IGSF10: variants seen among roughly 807,000 people sequenced by gnomAD.
IGSF10 encodes the protein calvaria mechanical force protein 608.
IGSF10 carries 126 observed loss-of-function variants against 128.2 expected under a neutral mutation model. That is an observed-to-expected ratio of 0.98 (90% CI 0.85 to 1.14). The LOEUF (loss-of-function observed/expected upper bound fraction) is 1.14, where lower values mean the gene tolerates loss of function less well. IGSF10 is among the 50% of genes most tolerant of loss of function. The pLI is 0.00. For missense variants in IGSF10, 3,295 were observed against 3,149.8 expected, an observed-to-expected ratio of 1.05 and a Z score of -1.10; for synonymous variants, 1,185 against 1,146.2, an observed-to-expected ratio of 1.03 and a Z score of -0.68.
the IGSF10 span, among the ~76,000 whole-genome samples, chr3:151,487,864 G>A: frequency 6.6e-6 from 1 of 152,164 alleles, no homozygotes; most frequent in Non-Finnish European, 1.5e-5. Context: ...CAAGCCAACA[G>A]CCAATATCAT....
intron 2 of IGSF10, among the ~76,000 whole-genome samples, chr3:151,460,001 C>T (rs1721977504): frequency 6.6e-6 from 1 of 152,136 alleles, no homozygotes; most frequent in African/African-American, 2.4e-5. Flanking sequence ...ACCACTTTTG[C>T]CATCGTAACC....
At chr3:151,511,907 A>G in the IGSF10 span, among the ~76,000 whole-genome samples, 12 of 152,250 alleles carry the variant, frequency 7.9e-5, no homozygotes, top group African/African-American at 9.6e-5. Flanking sequence ...TCAACAAGAA[A>G]AACTAACTGT....
rs775694027 is a variant in IGSF10 at position 151,443,801 on chromosome 3, G to T, written c.5146C>A (p.Gln1716Lys). The change falls in exon 7 of 8, where the codon CAG becomes AAG. Residue 1716 changes from glutamine to lysine, a missense_variant. Gln to Lys is a moderately conservative substitution (Grantham distance 53, BLOSUM62 1). Coordinates refer to ENST00000282466, the MANE Select transcript of IGSF10 (RefSeq NM_178822.5). Reference protein sequence around the residue: ...GTLSIQRVEIQDRGQYLCSAS... With the variant: ...GTLSIQRVEIKDRGQYLCSAS... ...GAACACAAGTACTGTCCGCGGTCCTGAATTTCCACCCTCTGGATGGACAGG... is the reference window on the plus strand; with the variant it reads ...GAACACAAGTACTGTCCGCGGTCCTTAATTTCCACCCTCTGGATGGACAGG... 3 of 1,614,132 alleles carry T rather than the reference G, an allele frequency of 1.9e-6. No homozygotes were observed. Among genetic ancestry groups the T allele is most frequent in the Admixed American group, 3.3e-5 (2 of 60,030 alleles).
chr3:151,514,767 A>T, the IGSF10 span, among the ~76,000 whole-genome samples: 559 of 152,308 alleles, frequency 3.7e-3, 2 homozygotes, highest in African/African-American at 0.013. Context: ...AAACAAATTT[A>T]CAAGAAAAAA....
the IGSF10 span, among the ~76,000 whole-genome samples, chr3:151,528,539 G>A: frequency 4.6e-5 from 7 of 152,318 alleles, no homozygotes; most frequent in East Asian, 3.9e-4. Flanking sequence ...GACAGTGGGT[G>A]CAGCCCATGG....
chr3:151,468,804 C>A, the IGSF10 span, among the ~76,000 whole-genome samples: 23 of 152,300 alleles, frequency 1.5e-4, no homozygotes, highest in African/African-American at 4.8e-4. Flanking sequence ...AAATGTGTGT[C>A]ATGGTGGTTT....
the IGSF10 span, among the ~76,000 whole-genome samples, chr3:151,467,540 G>A: frequency 1.3e-5 from 2 of 152,114 alleles, no homozygotes; most frequent in Admixed American, 1.3e-4. Context: ...CCTGAGGAGG[G>A]TATTAAAGAC....
chr3:151,549,944 A>G, the IGSF10 span, among the ~76,000 whole-genome samples: 1 of 152,184 alleles, frequency 6.6e-6, no homozygotes, highest in African/African-American at 2.4e-5. Context: ...GCCTCTGAAA[A>G]AAGAGACTAT....
Position 151,438,039 on chromosome 3 carries a change from A to G in IGSF10, c.6522T>C (p.Phe2174=). ...TCATGTCATTGGAAGGCAGCAACCA[A>G]AATATTTTTGGTTTGGGATCCCCAG... is the stretch of plus-strand genomic sequence containing the variant. ...EVTGDPKPKI[F]WLLPSNDMIS... Residue 2174 remains phenylalanine (F), a synonymous_variant, in exon 8 of 8, where the codon TTT becomes TTC. Transcript: ENST00000282466. 2 of 1,614,158 alleles carry G rather than the reference A, an allele frequency of 1.2e-6. No individual in the cohort carries two copies. The highest frequency in any genetic ancestry group is 1.3e-5 in the African/African-American group (1 of 75,032).
At chr3:151,517,846 C>CT in the IGSF10 span, among the ~76,000 whole-genome samples, 1 of 151,846 alleles carries the variant, frequency 6.6e-6, no homozygotes, top group Non-Finnish European at 1.5e-5. Context: ...CTGGGTTTTG[C>CT]TTTTTTCTCT....
chr3:151,465,432 T>G (rs1722246671), upstream of IGSF10, among the ~76,000 whole-genome samples: 1 of 152,248 alleles, frequency 6.6e-6, no homozygotes, highest in Non-Finnish European at 1.5e-5. Context: ...CTGTGTTGCT[T>G]TTATGATAAG....
chr3:151,474,656 A>G, the IGSF10 span, among the ~76,000 whole-genome samples: 1 of 152,200 alleles, frequency 6.6e-6, no homozygotes, highest in Admixed American at 6.5e-5. Flanking sequence ...GGTTCAGTTC[A>G]TATTAGTCCA....
the IGSF10 span, among the ~76,000 whole-genome samples, chr3:151,540,335 A>G: frequency 2.0e-5 from 3 of 152,216 alleles, no homozygotes; most frequent in Admixed American, 1.3e-4. Context: ...CTGAATTTCT[A>G]AGATAATACA....
the IGSF10 span, among the ~76,000 whole-genome samples, chr3:151,563,524 G>A: frequency 1.4e-4 from 22 of 152,038 alleles, no homozygotes; most frequent in African/African-American, 5.3e-4. Flanking sequence ...GACCTCAGAA[G>A]CCATCAAGCC....
At chr3:151,475,737 CTTTT>C in the IGSF10 span, 8 of 151,772 alleles carry the variant, frequency 5.3e-5, no homozygotes, top group Admixed American at 5.3e-4. Context: ...ATTCATAAAT[CTTTT>C]TTTTTCTTGC....
At chr3:151,476,929 G>A in the IGSF10 span, among the ~76,000 whole-genome samples, 1 of 152,168 alleles carries the variant, frequency 6.6e-6, no homozygotes, top group Non-Finnish European at 1.5e-5. Context: ...GGTGTTTTCT[G>A]ATGTCAGCCA....
At chr3:151,433,224 A>G (rs1204200747), downstream of IGSF10, 1 of 154,706 alleles carries the variant, frequency 6.5e-6, no homozygotes, top group East Asian at 1.9e-4. Flanking sequence ...GGACCAAACT[A>G]CTGATTTGAA....
intron 5 of IGSF10, among the ~76,000 whole-genome samples, chr3:151,450,252 T>C (rs1383137655): frequency 6.6e-6 from 1 of 152,232 alleles, no homozygotes; most frequent in African/African-American, 2.4e-5. Context: ...GTAAGAGGTA[T>C]AGACTTTTCC....
chr3:151,603,443 G>T, the IGSF10 span, among the ~76,000 whole-genome samples: 1 of 152,308 alleles, frequency 6.6e-6, no homozygotes, highest in Non-Finnish European at 1.5e-5. Flanking sequence ...TTTTATTTCA[G>T]TTCTTCTAAG....
Sources: gnomAD v4.1 joint callset for allele counts (sites outside exome capture counted in the v4.1 genomes callset) on GRCh38, gnomAD v4.1.1 for gene constraint, MANE v1.5 for transcripts, NCBI Gene and HGNC (gene_info 2026-07-23, HGNC 2026-07-21) for gene names.